TENM3: variants seen among roughly 807,000 people sequenced by gnomAD.
The protein encoded by TENM3 is teneurin transmembrane protein 3, also known as teneurin-3.
In TENM3, 63 loss-of-function variants were observed where a neutral mutation model predicts 255.1. The ratio of observed to expected loss-of-function variants is 0.25; its 90% CI spans 0.20 to 0.30. The LOEUF is 0.30. Among genes scored for constraint, TENM3 ranks in the 10% least tolerant of loss-of-function variants. The pLI is 1.00. For missense variants in TENM3, 2,929 were observed against 3,461.1 expected (o/e 0.85, Z 3.86); for synonymous variants, 1,306 against 1,322.3 (o/e 0.99, Z 0.27).
intron 3 of TENM3, among the ~76,000 whole-genome samples, chr4:182,501,096 G>T (rs1736269584): frequency 6.6e-6 from 1 of 151,966 alleles, no homozygotes; most frequent in Admixed American, 6.6e-5. Context: ...ACACAGCATT[G>T]GTCATCGAAT....
chr4:182,525,654 G>A (rs1362094628), intron 3 of TENM3, among the ~76,000 whole-genome samples: 1 of 152,226 alleles, frequency 6.6e-6, no homozygotes, highest in Admixed American at 6.5e-5. Flanking sequence ...TTTGGGAGTT[G>A]TAGTAAGGAA....
chr4:181,806,352 C>T, the TENM3 span, among the ~76,000 whole-genome samples: 3 of 152,198 alleles, frequency 2.0e-5, no homozygotes, highest in Non-Finnish European at 4.4e-5. Flanking sequence ...CTCGACTGTG[C>T]TACCTGTCTC....
At chr4:181,951,188 A>G in the TENM3 span, among the ~76,000 whole-genome samples, 10 of 152,204 alleles carry the variant, frequency 6.6e-5, no homozygotes, top group African/African-American at 2.4e-4. Context: ...TTTTGCACTC[A>G]ATGCCTTTCA....
At chr4:181,578,348 T>C in the TENM3 span, among the ~76,000 whole-genome samples, 6 of 152,164 alleles carry the variant, frequency 3.9e-5, no homozygotes, top group Non-Finnish European at 7.3e-5. Flanking sequence ...CAAGCAGCCC[T>C]TTCTCCCTGC....
chr4:181,521,797 A>T, the TENM3 span, among the ~76,000 whole-genome samples: 2 of 152,026 alleles, frequency 1.3e-5, no homozygotes, highest in Non-Finnish European at 2.9e-5. Context: ...TGCTAAAGTC[A>T]CTTAAGAAGC....
At chr4:182,063,071 A>T in the TENM3 span, among the ~76,000 whole-genome samples, 1 of 152,216 alleles carries the variant, frequency 6.6e-6, no homozygotes, top group East Asian at 1.9e-4. Context: ...AAAGTTAGTT[A>T]AGTAGTATGA....
chr4:182,722,012 C>A (rs1759775727), intron 13 of TENM3, among the ~76,000 whole-genome samples: 1 of 151,944 alleles, frequency 6.6e-6, no homozygotes, highest in African/African-American at 2.4e-5. Flanking sequence ...TATCTTTTAA[C>A]TTTGTAATTT....
chr4:181,695,811 C>T, the TENM3 span, among the ~76,000 whole-genome samples: 1 of 152,054 alleles, frequency 6.6e-6, no homozygotes, highest in African/African-American at 2.4e-5. Flanking sequence ...GCTGATCTAC[C>T]ATGTAATGGA....
chr4:182,362,427 T>C (rs1236924949), intron 3 of TENM3, among the ~76,000 whole-genome samples: 2 of 152,050 alleles, frequency 1.3e-5, no homozygotes, highest in African/African-American at 2.4e-5. Context: ...TGGGCAATGG[T>C]GGTCGCCCCT....
At chr4:182,245,228 A>G (rs1336579491) in intron 1 of TENM3, among the ~76,000 whole-genome samples, 1 of 152,216 alleles carries the variant, frequency 6.6e-6, no homozygotes, top group African/African-American at 2.4e-5. Context: ...GTGTCAGGGA[A>G]CAAGACACAA....
chr4:182,285,472 T>C (rs1760675346), intron 1 of TENM3, among the ~76,000 whole-genome samples: 2 of 152,170 alleles, frequency 1.3e-5, no homozygotes, highest in South Asian at 4.1e-4. Context: ...CAACTGAAAC[T>C]ATAAGACCAG....
At chr4:181,792,586 A>G in the TENM3 span, among the ~76,000 whole-genome samples, 2 of 152,220 alleles carry the variant, frequency 1.3e-5, no homozygotes, top group Admixed American at 6.5e-5. Flanking sequence ...CTGTATTCAT[A>G]TCAAGGTCAG....
chr4:181,516,961 T>C, the TENM3 span, among the ~76,000 whole-genome samples: 1 of 152,178 alleles, frequency 6.6e-6, no homozygotes, highest in African/African-American at 2.4e-5. Context: ...TTCCAATCTC[T>C]GCAGCCTGAT....
the TENM3 span, among the ~76,000 whole-genome samples, chr4:182,090,095 C>T: frequency 2.0e-5 from 3 of 152,288 alleles, no homozygotes; most frequent in Admixed American, 2.0e-4. Context: ...ATTTGATAAT[C>T]AGGCTCATGC....
intron 3 of TENM3, among the ~76,000 whole-genome samples, chr4:182,556,922 G>A (rs533276960): frequency 3.0e-4 from 45 of 152,328 alleles, no homozygotes; most frequent in Admixed American, 8.5e-4. Context: ...CAAGAGGGAT[G>A]TGCATTAGGT....
intron 1 of TENM3, among the ~76,000 whole-genome samples, chr4:182,248,065 A>G (rs1425502983): frequency 6.6e-6 from 1 of 152,232 alleles, no homozygotes; most frequent in East Asian, 1.9e-4. Flanking sequence ...GATCTGAAAT[A>G]CATCACTTAT....
chr4:181,814,389 A>C, the TENM3 span, among the ~76,000 whole-genome samples: 2 of 152,240 alleles, frequency 1.3e-5, no homozygotes, highest in Non-Finnish European at 2.9e-5. Flanking sequence ...TTAAAAATGC[A>C]AGGAGAACTT....
In TENM3 at chr4:182,161,767, GTGTATATATATATACACAAATATA is replaced by G. The variant is rs1275088302; in HGVS notation, c.-76+17026_-76+17049del. Among the ~76,000 whole-genome samples, 13 of 23,722 alleles carry G rather than the reference GTGTATATATATATACACAAATATA, an allele frequency of 5.5e-4. 1 individual carries two copies. Among genetic ancestry groups the G allele is most frequent in the African/African-American group, 1.9e-3 (12 of 6,270 alleles). 15.6% of individuals were successfully genotyped at this position (23,722 alleles called of 152,430 possible). A position where few individuals can be genotyped will look rare whatever the true frequency, so the allele number is the denominator to read the frequency against. ...TATGTGTATATATATACATATATATGTGTATATATATATACACAAATATATGTATATATATACACATATATATGT... is the reference window on the plus strand; with the variant it reads ...TATGTGTATATATATACATATATATGTGTATATATATACACATATATATGT... On this transcript the variant is annotated intron_variant, in intron 1 of 2. Coordinates refer to the TENM3 transcript ENST00000512480.
chr4:182,792,655 C>T lies in TENM3; in HGVS notation c.5983C>T (p.Gln1995Ter), dbSNP rs767619721. The T allele has an allele frequency of 6.2e-7, 1 of 1,613,960 alleles. No homozygotes were observed. The highest frequency in any genetic ancestry group is 8.5e-7 in the Non-Finnish European group (1 of 1,179,888). Residue 1995 changes from glutamine to a stop codon, truncating the protein, a stop_gained, in exon 26 of 28, where the codon CAA (glutamine) becomes TAA (stop). Transcript: ENST00000511685. LOFTEE classifies it high-confidence loss of function. The surrounding 1 kb of genome is among the most constrained non-coding windows in gnomAD (Gnocchi z 6.3). ...DGFICTIRYR[Q>*]IGPLIDRQIF... ...TTTTATTTGCACCATTAGATACAGGCAAATTGGTCCCCTGATTGACAGGCA... is the reference window on the plus strand; with the variant it reads ...TTTTATTTGCACCATTAGATACAGGTAAATTGGTCCCCTGATTGACAGGCA...
Sources: allele counts gnomAD v4.1 joint callset (sites outside exome capture counted in the v4.1 genomes callset), GRCh38; gene constraint gnomAD v4.1.1; non-coding constraint Gnocchi (gnomAD v3.1); transcripts MANE v1.5; gene names NCBI Gene and HGNC (gene_info 2026-07-23, HGNC 2026-07-21).